The following OPCML variants were observed in gnomAD, a reference collection of about 807,000 sequenced individuals.
OPCML encodes opioid-binding protein/cell adhesion molecule.
OPCML carries 13 observed loss-of-function variants against 37.8 expected under a neutral mutation model. That is an observed-to-expected ratio of 0.34 (90% CI 0.22 to 0.55). OPCML has a LOEUF of 0.55. Ranked by LOEUF, OPCML falls within the 20% of genes least tolerant of loss-of-function variation. The probability of loss-of-function intolerance (pLI) is 0.91; values close to 1 mark genes in which losing one functional copy is unlikely to be tolerated. For synonymous variants in OPCML, 176 were observed against 168.8 expected (o/e 1.04, Z -0.33); for missense variants, 341 against 435.6 (o/e 0.78, Z 1.93).
chr11:133,521,825 G>A (rs772420604), intron 1 of OPCML, among the ~76,000 whole-genome samples: 21 of 152,228 alleles, frequency 1.4e-4, no homozygotes, highest in Non-Finnish European at 2.5e-4. Context: ...AGGAGAACCA[G>A]GTTAGCTTAT....
intron 2 of OPCML, among the ~76,000 whole-genome samples, chr11:132,896,930 A>T (rs1294337478): frequency 6.6e-6 from 1 of 152,234 alleles, no homozygotes; most frequent in Non-Finnish European, 1.5e-5. Context: ...CCTACAACCA[A>T]GAAAGAGATA....
chr11:132,851,553 G>A (rs1243567896), intron 2 of OPCML, among the ~76,000 whole-genome samples: 1 of 152,064 alleles, frequency 6.6e-6, no homozygotes, highest in Non-Finnish European at 1.5e-5. Context: ...CTTTTACTAC[G>A]ATATTTCTTC....
chr11:133,458,253 T>C (rs1375855978), intron 1 of OPCML, among the ~76,000 whole-genome samples: 1 of 96,948 alleles, frequency 1.0e-5, no homozygotes, highest in African/African-American at 7.3e-5. Context: ...TACACATATA[T>C]ATACACGTGT....
intron 1 of OPCML, among the ~76,000 whole-genome samples, chr11:133,517,745 G>T (rs1170290594): frequency 6.6e-6 from 1 of 152,230 alleles, no homozygotes; most frequent in African/African-American, 2.4e-5. Context: ...ACACATCTCA[G>T]CAAGAACAAG....
At chr11:133,452,604 G>C (rs1474099961) in intron 1 of OPCML, among the ~76,000 whole-genome samples, 3 of 151,246 alleles carry the variant, frequency 2.0e-5, no homozygotes, top group South Asian at 2.1e-4. Context: ...TTGAGCCCAG[G>C]AGTTCAAGAC....
rs946420645 is a variant in OPCML at position 133,339,867 on chromosome 11, A to G, written c.61+192397T>C. 3.3e-5 allele frequency among the ~76,000 whole-genome samples: 5 copies of G among 152,296 alleles called. No homozygotes were observed. In the South Asian group the frequency reaches 1.0e-3, roughly 32 times the overall value. ...AATACTCAGAACATAACAAAAGCCC[A>G]ATTGAATTAGATCAGCATAGTACAT... On this transcript the variant is annotated intron_variant, in intron 1 of 7. Transcript: ENST00000524381.
At chr11:132,976,420 G>A (rs1244827992) in intron 1 of OPCML, among the ~76,000 whole-genome samples, 1 of 152,134 alleles carries the variant, frequency 6.6e-6, no homozygotes, top group Non-Finnish European at 1.5e-5. Context: ...ATAAAAAACA[G>A]GCAGCCATTT....
chr11:132,644,791 G>T (rs1205789688), intron 3 of OPCML, among the ~76,000 whole-genome samples: 1 of 152,178 alleles, frequency 6.6e-6, no homozygotes, highest in Non-Finnish European at 1.5e-5. Context: ...GACATGAAGA[G>T]ACACATTTAT....
chr11:133,426,951 T>C (rs556840164), intron 1 of OPCML, among the ~76,000 whole-genome samples: 1 of 152,310 alleles, frequency 6.6e-6, no homozygotes, highest in Admixed American at 6.5e-5. Context: ...TTCAAGAACA[T>C]TTATGCAAAA....
At chr11:133,281,954 G>A (rs940409680) in intron 1 of OPCML, among the ~76,000 whole-genome samples, 3 of 151,998 alleles carry the variant, frequency 2.0e-5, no homozygotes, top group African/African-American at 7.3e-5. Flanking sequence ...TTTCTAAGTA[G>A]CAAAGCATTC....
chr11:132,548,685 T>C (rs1056849956), intron 3 of OPCML, among the ~76,000 whole-genome samples: 2 of 152,054 alleles, frequency 1.3e-5, no homozygotes, highest in Non-Finnish European at 2.9e-5. Flanking sequence ...GACACCTAAC[T>C]CCCAAAAACC....
intron 3 of OPCML, among the ~76,000 whole-genome samples, chr11:132,626,376 G>A (rs747550417): frequency 6.6e-6 from 1 of 151,884 alleles, no homozygotes; most frequent in Non-Finnish European, 1.5e-5. Context: ...GGAAGATAAA[G>A]CTGGACAAAA....
At chr11:133,467,364 T>G (rs1565650830) in intron 1 of OPCML, among the ~76,000 whole-genome samples, 1 of 152,192 alleles carries the variant, frequency 6.6e-6, no homozygotes, top group Non-Finnish European at 1.5e-5. Context: ...ACCTCCCACC[T>G]CTGTCTGCAT....
chr11:132,754,029 C>T (rs1187474670), intron 2 of OPCML, among the ~76,000 whole-genome samples: 1 of 152,186 alleles, frequency 6.6e-6, no homozygotes, highest in Non-Finnish European at 1.5e-5. Flanking sequence ...AACCAGCAGG[C>T]ATCCATTAAG....
At chr11:132,532,540 TA>T (rs2096328576) in intron 3 of OPCML, among the ~76,000 whole-genome samples, 2 of 152,172 alleles carry the variant, frequency 1.3e-5, no homozygotes, top group African/African-American at 4.8e-5. Context: ...CATGGGGAGA[TA>T]AATGGATCAA....
intron 4 of OPCML, among the ~76,000 whole-genome samples, chr11:132,466,488 A>T (rs1296199799): frequency 6.8e-6 from 1 of 147,538 alleles, no homozygotes; most frequent in East Asian, 1.9e-4. Context: ...CGTCTCGGAA[A>T]AAAAAAAAAA....
intron 1 of OPCML, among the ~76,000 whole-genome samples, chr11:133,392,201 A>G (rs984349724): frequency 3.1e-4 from 47 of 152,200 alleles, no homozygotes; most frequent in African/African-American, 1.1e-3. Flanking sequence ...CTAAGAAGTA[A>G]ATATAAGTAT....
intron 1 of OPCML, among the ~76,000 whole-genome samples, chr11:133,108,472 A>G (rs1193704888): frequency 6.6e-6 from 1 of 152,142 alleles, no homozygotes; most frequent in Non-Finnish European, 1.5e-5. Flanking sequence ...AGGAGGAAAT[A>G]CCCCTGAAGT....
At chr11:133,294,710 G>A (rs545743424) in intron 1 of OPCML, among the ~76,000 whole-genome samples, 262 of 151,332 alleles carry the variant, frequency 1.7e-3, no homozygotes, top group Non-Finnish European at 3.1e-3. Flanking sequence ...GAGGTCTGCG[G>A]GATGCCACAC....
Sources: gnomAD v4.1 joint callset for allele counts (sites outside exome capture counted in the v4.1 genomes callset) on GRCh38, gnomAD v4.1.1 for gene constraint, MANE v1.5 for transcripts, NCBI Gene and HGNC (gene_info 2026-07-23, HGNC 2026-07-21) for gene names.